Variants in MYOM3 observed in about 807,000 individuals in gnomAD.
The protein encoded by MYOM3 is myomesin-3.
MYOM3 carries 155 observed loss-of-function variants against 191.7 expected under a neutral mutation model. The observed-to-expected ratio is 0.81, with a 90% confidence interval of 0.71 to 0.92. The LOEUF (loss-of-function observed/expected upper bound fraction) is 0.92, where lower values mean the gene tolerates loss of function less well. MYOM3 is among the 40% of genes least tolerant of loss of function. The pLI is 0.00. For synonymous variants in MYOM3, 757 were observed against 762.9 expected, an observed-to-expected ratio of 0.99 and a Z score of 0.13; for missense variants, 1,889 against 1,890.6, an observed-to-expected ratio of 1.00 and a Z score of 0.02.
At chr1:24,078,287 G>T (rs1009442691) in intron 20 of MYOM3, among the ~76,000 whole-genome samples, 1 of 151,938 alleles carries the variant, frequency 6.6e-6, no homozygotes. Flanking sequence ...GCTAATTTTT[G>T]TATTTTTTTT....
At chr1:24,084,696 C>A (rs1188602040) in intron 15 of MYOM3, 57 bp from the exon 16 acceptor site, 4 of 1,506,314 alleles carry the variant, frequency 2.7e-6, no homozygotes, top group Non-Finnish European at 3.6e-6. Flanking sequence ...GTCTGACAGG[C>A]TGGGGAAGGG....
rs1005241535 is a variant in MYOM3, at chr1:24,056,967, G to T, written c.*397C>A. Reference sequence around the variant, plus strand: ...TGAAACTATGGGATCCTAAAAGAGGGGTGCGATGTATCAGTTTATGGCAGG... The same window carrying T: ...TGAAACTATGGGATCCTAAAAGAGGTGTGCGATGTATCAGTTTATGGCAGG... On this transcript the variant is annotated 3_prime_UTR_variant, in exon 37 of 37. Transcript: ENST00000374434. 5.6e-6 allele frequency: 1 copy of T among 178,910 alleles called. No individual in the cohort carries two copies. 11.1% of individuals were successfully genotyped at this position (178,910 alleles called of 1,614,324 possible). A position where few individuals can be genotyped will look rare whatever the true frequency, so the allele number is the denominator to read the frequency against.
chr1:24,067,082 T>C lies in MYOM3; in HGVS notation c.3362A>G (p.Tyr1121Cys), dbSNP rs1185702058. 6.4e-7 allele frequency: 1 copy of C among 1,573,360 alleles called. No homozygotes were observed. ...CTTCCACTGCAACGGCCGCTCAAAA[T>C]AGGGACCTGTGCGTGCAAAACAAAT... ...RRDWKRKQGP[Y>C]FERPLQWKVT... is the part of the protein sequence containing the mutation. Residue 1121 changes from tyrosine (Y) to cysteine (C), a missense_variant, in exon 28 of 37, where the codon TAT becomes TGT. Transcript: ENST00000374434.
At chr1:24,081,244 A>C (rs1643663899) in intron 19 of MYOM3, 86 bp downstream of exon 19, 2 of 1,549,904 alleles carry the variant, frequency 1.3e-6, no homozygotes, top group South Asian at 1.2e-5. Context: ...GAATGCATAG[A>C]GGAGAGCGGC....
At chr1:24,058,882 A>G in intron 36 of MYOM3, 42 bp downstream of exon 36, 1 of 1,479,198 alleles carries the variant, frequency 6.8e-7, no homozygotes, top group Non-Finnish European at 9.4e-7. Context: ...ACGAAGGAAC[A>G]CAGAGGGGGA....
In MYOM3 at chr1:24,071,890, C is replaced by T. The variant is rs370078330; in HGVS notation, c.3013+79G>A. 2.0e-6 allele frequency: 3 copies of T among 1,477,158 alleles called. No individual in the cohort carries two copies. In the South Asian group the frequency reaches 3.4e-5, roughly 17 times the overall value. The allele number at this position is 1,477,158 out of a possible 1,614,324, so 91.5% of individuals were successfully genotyped here. A position where few individuals can be genotyped will look rare whatever the true frequency, so the allele number is the denominator to read the frequency against. On this transcript the variant is annotated intron_variant, in intron 24 of 36. Transcript: ENST00000374434. The stretch of plus-strand genomic sequence containing the variant: ...CTGGGGTTGTTTCCTGGTCCTTGGC[C>T]TGACTCTGCTCTGCTCAGAACATGC...
rs1643790738 is a variant in MYOM3, at chr1:24,089,629, T to C, written c.1523A>G (p.His508Arg). ...VTIPSPPTNVHASEIREAYVV... is the reference protein window; with the variant it reads ...VTIPSPPTNVRASEIREAYVV... Reference sequence around the variant, plus strand: ...ATAGGCCTCTCGGATCTCGCTGGCATGGACATTGGTTGGCGGTGAGGGGAT... The same window carrying C: ...ATAGGCCTCTCGGATCTCGCTGGCACGGACATTGGTTGGCGGTGAGGGGAT... Residue 508 changes from histidine to arginine, a missense_variant, in exon 14 of 37, where the codon CAT becomes CGT. His to Arg is a conservative substitution (Grantham distance 29). Transcript: ENST00000374434. The C allele has an allele frequency of 5.6e-6, 9 of 1,593,832 alleles. No individual in the cohort carries two copies. The highest frequency in any genetic ancestry group is 7.7e-6 in the Non-Finnish European group (9 of 1,170,568).
Position 24,090,938 on chromosome 1 carries a change from G to A in MYOM3, c.1291C>T (p.Arg431Trp), listed in dbSNP as rs184649466. 82 of 1,614,066 alleles carry A rather than the reference G, an allele frequency of 5.1e-5. No individual in the cohort carries two copies. Among genetic ancestry groups the A allele is most frequent in the African/African-American group, 1.6e-4 (12 of 75,016 alleles). The change falls in exon 12 of 37, where the codon CGG becomes TGG. Residue 431 changes from arginine (R) to tryptophan (W), a missense_variant. Coordinates refer to ENST00000374434, the MANE Select transcript of MYOM3 (RefSeq NM_152372.4). ...TCGACGAGGCCTTGGATTGGGCACC[G>A]ACAAGTCCCTCCGGGGGCCTCATGG... Reference protein sequence around the residue: ...ACHEAPGGTCRCPIQGLVEGQ... With the variant: ...ACHEAPGGTCWCPIQGLVEGQ...
Position 24,071,960 on chromosome 1 carries a change from C to T in MYOM3, c.3013+9G>A, listed in dbSNP as rs1486012991. On this transcript the variant is annotated intron_variant, in intron 24 of 36. Coordinates refer to ENST00000374434, the MANE Select transcript of MYOM3 (RefSeq NM_152372.4). ...TGCACAAGGCTGGTAGCTTGGACTG[C>T]TTGCTTACCTGGGTTTCTGATCTCA... The T allele has an allele frequency of 6.2e-7, 1 of 1,613,952 alleles. No homozygotes were observed. Among genetic ancestry groups the T allele is most frequent in the African/African-American group, 1.3e-5 (1 of 74,910 alleles).
At chr1:24,100,423 C>G (rs900437185) in intron 5 of MYOM3, among the ~76,000 whole-genome samples, 1 of 152,194 alleles carries the variant, frequency 6.6e-6, no homozygotes, top group African/African-American at 2.4e-5. Context: ...GCCCCTCCCC[C>G]TACCAAGCCA....
intron 16 of MYOM3, 49 bp downstream of exon 16, chr1:24,084,419 T>C (rs1217190596): frequency 6.9e-6 from 11 of 1,590,420 alleles, no homozygotes; most frequent in South Asian, 1.1e-5. Flanking sequence ...GTCTCAGGTA[T>C]GTCTTTATAG....
chr1:24,106,006 G>T lies in MYOM3; in HGVS notation c.474C>A (p.Ile158=). The change falls in exon 5 of 37, where the codon ATC becomes ATA. Residue 158 remains isoleucine, a synonymous_variant. Coordinates refer to ENST00000374434, the MANE Select transcript of MYOM3 (RefSeq NM_152372.4). ...LCYGRGPWFW[I]PLRSHAVWEH... ...CCCAGACGGCGTGGGAGCGAAGAGG[G>T]ATCCAGAACCAGGGCCCGCGGCCGT... 3.7e-6 allele frequency: 6 copies of T among 1,613,988 alleles called. No individual in the cohort carries two copies. Among genetic ancestry groups the T allele is most frequent in the Non-Finnish European group, 5.1e-6 (6 of 1,180,004 alleles).
chr1:24,067,840 A>T, intron 27 of MYOM3, 130 bp downstream of exon 27: 2 of 867,758 alleles, frequency 2.3e-6, no homozygotes, highest in South Asian at 2.9e-5. Flanking sequence ...ACTGGGACAG[A>T]ACTGGACTGA....
chr1:24,059,680 T>C lies in MYOM3; in HGVS notation c.3995-701A>G, dbSNP rs114352632. Among the ~76,000 whole-genome samples the C allele has an allele frequency of 2.0e-3, 311 of 152,342 alleles. 1 individual carries two copies. Among genetic ancestry groups the C allele is most frequent in the Middle Eastern group, 6.8e-3 (2 of 294 alleles). ...AGGTCAGAGAAAGCAACAGAACCTT[T>C]TGCTTTTGTCTGAAAAAACAGAAGC... is the stretch of plus-strand genomic sequence containing the variant. On this transcript the variant is annotated intron_variant, in intron 35 of 36. Coordinates refer to ENST00000374434, the MANE Select transcript of MYOM3 (RefSeq NM_152372.4).
chr1:24,067,623 G>A (rs1291080751), intron 27 of MYOM3, among the ~76,000 whole-genome samples: 1 of 151,670 alleles, frequency 6.6e-6, no homozygotes, highest in Non-Finnish European at 1.5e-5. Flanking sequence ...CACCATGCTC[G>A]GCTAATTTTT....
intron 33 of MYOM3, 55 bp from the exon 34 acceptor site, chr1:24,061,364 T>C (rs1643368144): frequency 1.3e-6 from 2 of 1,569,542 alleles, no homozygotes; most frequent in African/African-American, 2.7e-5. Flanking sequence ...TGTCTGATGA[T>C]GGGGACAGGG....
At chr1:24,101,807 C>A (rs114273100) in intron 5 of MYOM3, among the ~76,000 whole-genome samples, 2,375 of 152,266 alleles carry the variant, frequency 0.016, 62 homozygotes, top group African/African-American at 0.055. Flanking sequence ...GGTAGTCAAG[C>A]GATTGCCCTG....
At chr1:24,067,855 C>G in intron 27 of MYOM3, 115 bp downstream of exon 27, 2 of 962,778 alleles carry the variant, frequency 2.1e-6, no homozygotes, top group South Asian at 2.8e-5. Flanking sequence ...GACTGAATGA[C>G]AGTGGACCTC....
intron 8 of MYOM3, among the ~76,000 whole-genome samples, chr1:24,095,191 G>C (rs1273196959): frequency 6.6e-6 from 1 of 152,204 alleles, no homozygotes; most frequent in Non-Finnish European, 1.5e-5. Flanking sequence ...CCAAGGCCAA[G>C]TCCGTTGGTT....
Sources: allele counts gnomAD v4.1 joint callset (sites outside exome capture counted in the v4.1 genomes callset), GRCh38; gene constraint gnomAD v4.1.1; transcripts MANE v1.5; gene names NCBI Gene and HGNC (gene_info 2026-07-23, HGNC 2026-07-21).